The following CSMD3 variants were observed in gnomAD, a reference collection of about 807,000 sequenced individuals.
The protein encoded by CSMD3 is CUB and sushi domain-containing protein 3.
CSMD3 carries 177 observed loss-of-function variants against 435.2 expected under a neutral mutation model. The ratio of observed to expected loss-of-function variants is 0.41; its 90% CI spans 0.36 to 0.46. The LOEUF is 0.46. CSMD3 is among the 20% of genes least tolerant of loss of function. The probability of loss-of-function intolerance (pLI) is 0.34; values close to 1 mark genes in which losing one functional copy is unlikely to be tolerated. For synonymous variants in CSMD3, 1,656 were observed against 1,520.5 expected, an observed-to-expected ratio of 1.09 and a Z score of -2.07; for missense variants, 4,265 against 4,504.6, an observed-to-expected ratio of 0.95 and a Z score of 1.52.
chr8:113,132,832 G>T (rs1047527858), intron 4 of CSMD3, among the ~76,000 whole-genome samples: 1 of 152,116 alleles, frequency 6.6e-6, no homozygotes, highest in African/African-American at 2.4e-5. Flanking sequence ...AGCACACTGA[G>T]TCTAAATTAT....
At chr8:112,312,721 A>G (rs1230241389) in intron 49 of CSMD3, among the ~76,000 whole-genome samples, 2 of 152,206 alleles carry the variant, frequency 1.3e-5, no homozygotes, top group African/African-American at 4.8e-5. Context: ...AAATCAAACT[A>G]TCATCTCAGA....
intron 38 of CSMD3, among the ~76,000 whole-genome samples, chr8:112,362,273 C>CT (rs1296837738): frequency 6.6e-6 from 1 of 151,882 alleles, no homozygotes; most frequent in African/African-American, 2.4e-5. Context: ...TGTGGATAAA[C>CT]TTTTTTGGAA....
chr8:112,450,561 C>G (rs1355360945), intron 32 of CSMD3, among the ~76,000 whole-genome samples: 1 of 152,150 alleles, frequency 6.6e-6, no homozygotes, highest in Admixed American at 6.5e-5. Flanking sequence ...GAGTTTGAGT[C>G]CCTACAGACC....
At chr8:112,582,211 C>T (rs1175630260) in intron 23 of CSMD3, among the ~76,000 whole-genome samples, 3 of 151,902 alleles carry the variant, frequency 2.0e-5, no homozygotes, top group African/African-American at 4.8e-5. Flanking sequence ...TGTCCCTTTG[C>T]TCTCTTGCTC....
At chr8:112,907,639 G>T (rs2082299021) in intron 10 of CSMD3, among the ~76,000 whole-genome samples, 1 of 151,184 alleles carries the variant, frequency 6.6e-6, no homozygotes, top group Non-Finnish European at 1.5e-5. Flanking sequence ...CACTAAAGGG[G>T]CATGTTGGGA....
At chr8:112,280,103 G>C (rs925938616) in intron 59 of CSMD3, among the ~76,000 whole-genome samples, 1 of 152,016 alleles carries the variant, frequency 6.6e-6, no homozygotes, top group African/African-American at 2.4e-5. Context: ...ACAATACAAG[G>C]CCATGCCTTC....
At chr8:113,161,547 T>G (rs1250923990) in intron 4 of CSMD3, among the ~76,000 whole-genome samples, 1 of 152,108 alleles carries the variant, frequency 6.6e-6, no homozygotes, top group African/African-American at 2.4e-5. Context: ...TGCTCAACTG[T>G]CCTCCACTTC....
chr8:112,878,283 A>G (rs1023708882), intron 10 of CSMD3, among the ~76,000 whole-genome samples: 3 of 152,314 alleles, frequency 2.0e-5, no homozygotes, highest in Non-Finnish European at 4.4e-5. Context: ...TCTCAAAAGA[A>G]GACATGTATG....
At chr8:112,562,770 C>T (rs1293752934) in intron 24 of CSMD3, among the ~76,000 whole-genome samples, 1 of 151,512 alleles carries the variant, frequency 6.6e-6, no homozygotes, top group East Asian at 1.9e-4. Context: ...AGAAAACATC[C>T]TATTTTAAAA....
chr8:112,822,839 C>T (rs542957031), intron 12 of CSMD3, among the ~76,000 whole-genome samples: 6 of 152,202 alleles, frequency 3.9e-5, no homozygotes, highest in African/African-American at 1.4e-4. Context: ...GAGTTTTTAA[C>T]ATGAAGAGGT....
At chr8:112,275,323 G>A (rs1370528639) in intron 59 of CSMD3, among the ~76,000 whole-genome samples, 2 of 152,082 alleles carry the variant, frequency 1.3e-5, no homozygotes, top group East Asian at 1.9e-4. Context: ...CGAGGCAGAC[G>A]GATCACCTGA....
At chr8:112,984,812 T>G (rs1191484655) in intron 6 of CSMD3, among the ~76,000 whole-genome samples, 1 of 152,146 alleles carries the variant, frequency 6.6e-6, no homozygotes, top group African/African-American at 2.4e-5. Context: ...TGAATCTTTC[T>G]AATACCCTAC....
At chr8:112,945,712 A>G (rs1393454504) in intron 9 of CSMD3, among the ~76,000 whole-genome samples, 1 of 151,354 alleles carries the variant, frequency 6.6e-6, no homozygotes, top group African/African-American at 2.4e-5. Flanking sequence ...ATTAGGCTGA[A>G]TGGCTGCCTG....
intron 1 of CSMD3, among the ~76,000 whole-genome samples, chr8:113,406,492 A>C (rs1451746775): frequency 1.3e-5 from 2 of 152,068 alleles, no homozygotes; most frequent in African/African-American, 4.8e-5. Context: ...ACTAAGAACA[A>C]ATAATGTAAA....
At chr8:113,043,209 CTT>C (rs2087697463) in intron 5 of CSMD3, among the ~76,000 whole-genome samples, 1 of 152,152 alleles carries the variant, frequency 6.6e-6, no homozygotes. Flanking sequence ...CAAGATCTAA[CTT>C]ATATTTATGT....
chr8:113,378,790 T>TGTGTGTGTGA (rs1206296218), intron 1 of CSMD3, among the ~76,000 whole-genome samples: 24 of 151,822 alleles, frequency 1.6e-4, no homozygotes, highest in African/African-American at 4.6e-4. Context: ...TGTGTGTGTG[T>TGTGTGTGTGA]GATTAATACT....
intron 27 of CSMD3, among the ~76,000 whole-genome samples, chr8:112,548,499 G>T (rs1484385068): frequency 6.6e-6 from 1 of 152,024 alleles, no homozygotes; most frequent in Non-Finnish European, 1.5e-5. Flanking sequence ...GTGAGTTTCA[G>T]TTATCACTCC....
chr8:112,940,815 G>T (rs983917613), intron 9 of CSMD3, among the ~76,000 whole-genome samples: 1 of 151,728 alleles, frequency 6.6e-6, no homozygotes. Context: ...TCATCAACTG[G>T]TATCTATAAG....
intron 17 of CSMD3, among the ~76,000 whole-genome samples, chr8:112,663,527 C>T (rs1398496037): frequency 2.0e-5 from 3 of 151,284 alleles, no homozygotes; most frequent in Non-Finnish European, 2.9e-5. Context: ...AGGAGATATA[C>T]TTAATGTTAA....
Sources: allele counts gnomAD v4.1 joint callset (sites outside exome capture counted in the v4.1 genomes callset), GRCh38; gene constraint gnomAD v4.1.1; transcripts MANE v1.5; gene names NCBI Gene and HGNC (gene_info 2026-07-23, HGNC 2026-07-21).